Variants in ZNF599 observed in about 807,000 individuals in gnomAD.
ZNF599 encodes zinc finger protein 599.
In ZNF599, 10 loss-of-function variants were observed where a neutral mutation model predicts 11.7. The observed-to-expected ratio is 0.86, with a 90% CI of 0.53 to 1.45. ZNF599 has a LOEUF of 1.45. ZNF599 is among the 40% of genes most tolerant of loss of function. The pLI is 0.00. For synonymous variants in ZNF599, 232 were observed against 253.2 expected (o/e 0.92, Z 0.79); for missense variants, 688 against 713.6 (o/e 0.96, Z 0.41).
In ZNF599 at chr19:34,760,376, T is replaced by TC; in HGVS notation, c.424_425insG (p.His142ArgfsTer7). ...CAACTTCTCAGGGCATATCTCTTTG[T>TC]GGGGGTTTGTTCCTGGCCTCAAGTT... is the stretch of plus-strand genomic sequence containing the variant. On this transcript the variant is annotated frameshift_variant, in exon 4 of 4. Transcript: ENST00000329285. LOFTEE classifies it low-confidence loss of function (END_TRUNC). 1 of 1,614,154 alleles carries TC rather than the reference T, an allele frequency of 6.2e-7. No individual in the cohort carries two copies. Among genetic ancestry groups the TC allele is most frequent in the Non-Finnish European group, 8.5e-7 (1 of 1,180,016 alleles).
the ZNF599 span, among the ~76,000 whole-genome samples, chr19:34,790,414 A>C: frequency 1.3e-5 from 2 of 152,250 alleles, no homozygotes; most frequent in African/African-American, 4.8e-5. Flanking sequence ...ACAGAAAGAC[A>C]ATGAAATATT....
the ZNF599 span, among the ~76,000 whole-genome samples, chr19:34,802,630 G>T: frequency 6.6e-6 from 1 of 152,190 alleles, no homozygotes; most frequent in Non-Finnish European, 1.5e-5. Flanking sequence ...GAAATGGCAA[G>T]CTGCTAGTGT....
intron 1 of ZNF599, 95 bp from the exon 2 acceptor site, chr19:34,769,650 G>C: frequency 6.9e-7 from 1 of 1,453,472 alleles, no homozygotes; most frequent in Non-Finnish European, 9.3e-7. Flanking sequence ...CAGAGACCCT[G>C]AACCACTGAG....
chr19:34,767,033 T>G, intron 3 of ZNF599: 1 of 349,516 alleles, frequency 2.9e-6, no homozygotes, highest in Non-Finnish European at 5.2e-6. Context: ...TCAGCCTAAC[T>G]TATATACCAA....
chr19:34,804,827 C>T, the ZNF599 span, among the ~76,000 whole-genome samples: 1 of 152,214 alleles, frequency 6.6e-6, no homozygotes, highest in Non-Finnish European at 1.5e-5. Flanking sequence ...TGCCTTTCTT[C>T]ATGGTCCAGG....
chr19:34,781,536 C>T, the ZNF599 span, among the ~76,000 whole-genome samples: 30 of 152,138 alleles, frequency 2.0e-4, no homozygotes, highest in Non-Finnish European at 4.0e-4. Flanking sequence ...CGGAATTGTT[C>T]GTAAGACAAA....
the ZNF599 span, among the ~76,000 whole-genome samples, chr19:34,805,119 C>T: frequency 7.2e-5 from 11 of 152,190 alleles, no homozygotes; most frequent in Admixed American, 2.0e-4. Context: ...ACTTTTACTG[C>T]CACACCACTG....
chr19:34,770,329 CT>C (rs1468251972), intron 1 of ZNF599, among the ~76,000 whole-genome samples: 3 of 152,262 alleles, frequency 2.0e-5, no homozygotes, highest in African/African-American at 7.2e-5. Context: ...GGTGTAACCC[CT>C]GTACTCCTCC....
chr19:34,800,586 G>GTTTTTTTTTTTTTTT, the ZNF599 span, among the ~76,000 whole-genome samples: 6 of 112,994 alleles, frequency 5.3e-5, no homozygotes, highest in Admixed American at 1.1e-4. Flanking sequence ...CATTTCCTTT[G>GTTTTTTTTTTTTTTT]TTTTTTTTTT....
At chr19:34,780,627 G>C in the ZNF599 span, among the ~76,000 whole-genome samples, 1 of 131,470 alleles carries the variant, frequency 7.6e-6, no homozygotes, top group Non-Finnish European at 1.6e-5. Context: ...AAGGGAGAGA[G>C]AGAAAGGAAA....
the ZNF599 span, among the ~76,000 whole-genome samples, chr19:34,805,279 C>T: frequency 6.8e-6 from 1 of 147,878 alleles, no homozygotes; most frequent in African/African-American, 2.5e-5. Context: ...CCTGCTGCAA[C>T]CTCTGCCTCC....
At chr19:34,763,911 C>A (rs1416711235) in intron 3 of ZNF599, 3 of 152,096 alleles carry the variant, frequency 2.0e-5, no homozygotes, top group African/African-American at 7.2e-5. Flanking sequence ...AAAACCCTAT[C>A]TCTACTAAAA....
chr19:34,792,733 G>A, the ZNF599 span, among the ~76,000 whole-genome samples: 1 of 151,928 alleles, frequency 6.6e-6, no homozygotes, highest in Non-Finnish European at 1.5e-5. Context: ...CGTGGTGGCG[G>A]GTGCCTGTAG....
chr19:34,762,329 C>T (rs529612641), intron 3 of ZNF599, among the ~76,000 whole-genome samples: 25 of 152,220 alleles, frequency 1.6e-4, no homozygotes, highest in South Asian at 6.2e-4. Context: ...ACTAAAGGAC[C>T]GGACAACATC....
rs1021241825 is a variant in ZNF599, at chr19:34,773,207, T to C, written c.-366A>G. The C allele has an allele frequency of 1.5e-5, 4 of 270,614 alleles. No individual in the cohort carries two copies. Among genetic ancestry groups the C allele is most frequent in the Admixed American group, 5.2e-5 (1 of 19,070 alleles). The allele number at this position is 270,614 out of a possible 1,614,324, so 16.8% of individuals were successfully genotyped here. On this transcript the variant is annotated 5_prime_UTR_variant, in exon 1 of 4. Transcript: ENST00000329285. Reference sequence around the variant, plus strand: ...CCGCAACCTAACGGCGGACGAAGACTGGACGCCGGAAGTCCCGCCCACGCC... The same window carrying C: ...CCGCAACCTAACGGCGGACGAAGACCGGACGCCGGAAGTCCCGCCCACGCC...
At chr19:34,783,034 T>G in the ZNF599 span, among the ~76,000 whole-genome samples, 24 of 152,228 alleles carry the variant, frequency 1.6e-4, no homozygotes, top group Admixed American at 1.6e-3. Flanking sequence ...TTGTACCCTG[T>G]TGATCACTGT....
rs756404914 is a variant in ZNF599, at chr19:34,760,038, A to G, written c.763T>C (p.Tyr255His). The change falls in exon 4 of 4, where the codon TAC becomes CAC. Residue 255 changes from tyrosine to histidine, a missense_variant. By Grantham distance (83) the Tyr-to-His change is moderately conservative. Transcript: ENST00000329285. The part of the protein sequence containing the change: ...HMRLHTGEKP[Y>H]KCIECGKAFK... ...GCTTTCCCACACTCAATACACTTGT[A>G]TGGTTTTTCCCCAGTATGAAGCCTC... The G allele has an allele frequency of 3.1e-6, 5 of 1,613,974 alleles. No individual in the cohort carries two copies. The African/African-American group carries it at 5.3e-5, about 17-fold the overall frequency.
In ZNF599 at chr19:34,760,131, C is replaced by T. The variant is rs147796554; in HGVS notation, c.670G>A (p.Val224Met). 2 of 1,614,160 alleles carry T rather than the reference C, an allele frequency of 1.2e-6. No homozygotes were observed. Among genetic ancestry groups the T allele is most frequent in the East Asian group, 2.2e-5 (1 of 44,876 alleles). ...LVRHQQIHAGVKPYECNECGK... is the reference protein window; with the variant it reads ...LVRHQQIHAGMKPYECNECGK... ...CACTCATTGCACTCATAGGGCTTCA[C>T]TCCAGCATGAATCTGTTGATGCCGA... The change falls in exon 4 of 4, where the codon GTG becomes ATG. Residue 224 changes from valine to methionine, a missense_variant. Coordinates refer to ENST00000329285, the MANE Select transcript of ZNF599 (RefSeq NM_001007248.3).
the ZNF599 span, among the ~76,000 whole-genome samples, chr19:34,784,351 G>T: frequency 1.3e-5 from 2 of 152,016 alleles, no homozygotes; most frequent in African/African-American, 2.4e-5. Context: ...ATGCACCCTC[G>T]GGATCTCATT....
Sources: allele counts gnomAD v4.1 joint callset (sites outside exome capture counted in the v4.1 genomes callset), GRCh38; gene constraint gnomAD v4.1.1; transcripts MANE v1.5; gene names NCBI Gene and HGNC (gene_info 2026-07-23, HGNC 2026-07-21).